SLC43A2: variants seen among roughly 807,000 people sequenced by gnomAD.
SLC43A2 encodes large neutral amino acids transporter small subunit 4.
In SLC43A2, 38 loss-of-function variants were observed where a neutral mutation model predicts 63.2. The ratio of observed to expected loss-of-function variants is 0.60; its 90% CI spans 0.46 to 0.79. SLC43A2 has a LOEUF of 0.79. Among genes scored for constraint, SLC43A2 ranks in the 30% least tolerant of loss-of-function variants. The probability of loss-of-function intolerance (pLI) is 0.00; values close to 1 mark genes in which losing one functional copy is unlikely to be tolerated. For missense variants in SLC43A2, 644 were observed against 756.2 expected (o/e 0.85, Z 1.74); for synonymous variants, 322 against 331.0 (o/e 0.97, Z 0.30).
In SLC43A2 at chr17:1,576,699, G is replaced by T; in HGVS notation, c.1446C>A (p.Gly482=). The change falls in exon 13 of 14, where the codon GGC becomes GGA. Residue 482 remains glycine (G), a synonymous_variant. Transcript: ENST00000301335. ...TCAGAGACTGCAGTCCCGTGAGGCTGCCGAACTGGGTGGAGGGGTACCTGC... is the reference window on the plus strand; with the variant it reads ...TCAGAGACTGCAGTCCCGTGAGGCTTCCGAACTGGGTGGAGGGGTACCTGC... ...YAAVYPSTQF[G]SLTGLQSLIS... is the part of the protein sequence containing the mutation. 6.2e-7 allele frequency: 1 copy of T among 1,610,476 alleles called. No individual in the cohort carries two copies.
At position 1,573,570 on chromosome 17, in the gene SLC43A2, T is replaced by TG; in HGVS notation, c.*2033_*2034insC. 1 of 152,174 alleles carries TG rather than the reference T, an allele frequency of 6.6e-6. No individual in the cohort carries two copies. The highest frequency in any genetic ancestry group is 1.5e-5 in the Non-Finnish European group (1 of 68,026). The allele number at this position is 152,174 out of a possible 1,614,324, so 9.4% of individuals were successfully genotyped here. On this transcript the variant is annotated 3_prime_UTR_variant, in exon 14 of 14. Transcript: ENST00000301335. ...CTTTCTTGAAAATCAGAATAACCAC[T>TG]AACATCACAAAACGAGTGTTCTCAG...
chr17:1,586,928 T>TCCCCCCCC, intron 9 of SLC43A2: 11 of 1,232,908 alleles, frequency 8.9e-6, no homozygotes, highest in Admixed American at 4.5e-5. Flanking sequence ...TCCCTGACAA[T>TCCCCCCCC]CCCCCCCACC....
rs1167305329 is a variant in SLC43A2, at chr17:1,570,487, GT to G, written c.*5116del. ...GGGCACTGAAAACGATGCTACCATT[GT>G]TTTTTTTTTTTTTTTTGAGACGGAG... is the stretch of plus-strand genomic sequence containing the variant. On this transcript the variant is annotated 3_prime_UTR_variant, in exon 14 of 14. Coordinates refer to ENST00000301335, the MANE Select transcript of SLC43A2 (RefSeq NM_152346.3). The G allele has an allele frequency of 0.089, 11,898 of 134,082 alleles. 438 individuals are homozygous for G. The highest frequency in any genetic ancestry group is 0.13 in the Non-Finnish European group (7,759 of 62,018). The allele number at this position is 134,082 out of a possible 1,614,324, so 8.3% of individuals were successfully genotyped here.
intron 5 of SLC43A2, among the ~76,000 whole-genome samples, chr17:1,603,787 A>AAAAACAAAAC (rs57134876): frequency 1.3e-4 from 19 of 151,506 alleles, no homozygotes; most frequent in East Asian, 5.8e-4. Flanking sequence ...CTCTGCCTCA[A>AAAAACAAAAC]AAAACAAAAC....
intron 13 of SLC43A2, 71 bp downstream of exon 13, chr17:1,576,526 G>T: frequency 6.6e-7 from 1 of 1,523,968 alleles, no homozygotes. Context: ...GCCCCCGAGG[G>T]GGACCTTGCA....
intron 11 of SLC43A2, among the ~76,000 whole-genome samples, chr17:1,581,594 G>C (rs1017990532): frequency 1.3e-5 from 2 of 152,168 alleles, no homozygotes; most frequent in African/African-American, 4.8e-5. Flanking sequence ...GACCCAAGAT[G>C]CCATCTGGAC....
chr17:1,617,733 G>A (rs1907812410), intron 2 of SLC43A2, among the ~76,000 whole-genome samples: 1 of 152,166 alleles, frequency 6.6e-6, no homozygotes, highest in South Asian at 2.1e-4. Context: ...TCACAGTGGT[G>A]CCATCCCGTG....
intron 10 of SLC43A2, among the ~76,000 whole-genome samples, chr17:1,584,138 C>T (rs1256424629): frequency 6.6e-6 from 1 of 152,066 alleles, no homozygotes; most frequent in East Asian, 1.9e-4. Context: ...TGTGATCCAC[C>T]CGCCTTGGCC....
Position 1,578,272 on chromosome 17 carries a change from C to T in SLC43A2, c.1402G>A (p.Val468Ile), listed in dbSNP as rs140096366. 4 of 1,613,922 alleles carry T rather than the reference C, an allele frequency of 2.5e-6. No homozygotes were observed. The East Asian group carries it at 6.7e-5, about 27-fold the overall frequency. Reference protein sequence around the residue: ...TIVRGFIHSAVGGLYAAVYPS... With the variant: ...TIVRGFIHSAIGGLYAAVYPS... ...TACACGGCAGCGTACAGGCCCCCGACAGCGGAGTGGATGAATCCTCGCACG... is the reference window on the plus strand; with the variant it reads ...TACACGGCAGCGTACAGGCCCCCGATAGCGGAGTGGATGAATCCTCGCACG... The change falls in exon 12 of 14, where the codon GTC (valine) becomes ATC (isoleucine). Residue 468 changes from valine (V) to isoleucine (I), a missense_variant. Coordinates refer to ENST00000301335, the MANE Select transcript of SLC43A2 (RefSeq NM_152346.3). This position sits in a 1 kb window ranked among gnomAD's most constrained non-coding sequence, Gnocchi z 6.5.
intron 13 of SLC43A2, among the ~76,000 whole-genome samples, chr17:1,576,165 T>A (rs1295840074): frequency 2.1e-5 from 3 of 142,570 alleles, no homozygotes; most frequent in African/African-American, 7.8e-5. Context: ...CTCACTGCAA[T>A]CTCCGCCTCC....
At position 1,572,497 on chromosome 17, in the gene SLC43A2, T is replaced by C. The variant is rs2075861206; in HGVS notation, c.*3107A>G. ...AGTATCTCTAGGCCTCGTTTTTCAGTTGTAAAGCAGGGATGATCATATGTG... is the reference window on the plus strand; with the variant it reads ...AGTATCTCTAGGCCTCGTTTTTCAGCTGTAAAGCAGGGATGATCATATGTG... On this transcript the variant is annotated 3_prime_UTR_variant, in exon 14 of 14. Transcript: ENST00000301335. The C allele has an allele frequency of 6.6e-6, 1 of 152,222 alleles. No homozygotes were observed. The highest frequency in any genetic ancestry group is 1.5e-5 in the Non-Finnish European group (1 of 68,056). The allele number at this position is 152,222 out of a possible 1,614,324, so 9.4% of individuals were successfully genotyped here.
At chr17:1,612,848 C>T (rs1245885053) in intron 5 of SLC43A2, among the ~76,000 whole-genome samples, 2 of 152,110 alleles carry the variant, frequency 1.3e-5, no homozygotes, top group African/African-American at 4.8e-5. Flanking sequence ...GGCGCACGCC[C>T]ATAGTCCCAG....
intron 10 of SLC43A2, chr17:1,585,159 T>C: frequency 7.1e-6 from 7 of 988,730 alleles, no homozygotes; most frequent in Non-Finnish European, 8.4e-6. Flanking sequence ...GAGGGTGGTC[T>C]TAGGAGCAAA....
chr17:1,575,812 G>A (rs761011084), intron 13 of SLC43A2, 47 bp from the exon 14 acceptor site: 17 of 1,551,896 alleles, frequency 1.1e-5, no homozygotes, highest in East Asian at 2.3e-5. Context: ...GTGGTGCGCC[G>A]AGGCTGCAGA....
At chr17:1,614,116 G>C (rs1029030221) in intron 4 of SLC43A2, among the ~76,000 whole-genome samples, 7 of 152,106 alleles carry the variant, frequency 4.6e-5, no homozygotes, top group Admixed American at 3.9e-4. Flanking sequence ...GGTGGCGGGT[G>C]CCCGTGGTCC....
intron 2 of SLC43A2, among the ~76,000 whole-genome samples, chr17:1,619,495 T>C (rs766006537): frequency 1.3e-5 from 2 of 152,074 alleles, no homozygotes; most frequent in African/African-American, 2.4e-5. Context: ...CCACTTTCTC[T>C]CGGTTTTCCA....
In SLC43A2 at chr17:1,605,589, T is replaced by A. The variant is rs1906531370; in HGVS notation, c.501+7606A>T. Among the ~76,000 whole-genome samples, 1 of 7,878 alleles carries A rather than the reference T, an allele frequency of 1.3e-4. No individual in the cohort carries two copies. Among genetic ancestry groups the A allele is most frequent in the Non-Finnish European group, 2.3e-4 (1 of 4,362 alleles). The allele number at this position is 7,878 out of a possible 152,430, so 5.2% of individuals were successfully genotyped here. ...GGGTGGTGGGTGGGGGCTGCGGAGC[T>A]GGGAGGTGGGTGGGGGCTGGGGAGC... On this transcript the variant is annotated intron_variant, in intron 5 of 13. Transcript: ENST00000301335. This position sits in a 1 kb window ranked among gnomAD's most constrained non-coding sequence, Gnocchi z 4.9.
In SLC43A2 at chr17:1,583,106, G is replaced by A; in HGVS notation, c.1350+98C>T. The A allele has an allele frequency of 2.2e-6, 3 of 1,338,120 alleles. No individual in the cohort carries two copies. Among genetic ancestry groups the A allele is most frequent in the Admixed American group, 2.0e-5 (1 of 51,150 alleles). The allele number at this position is 1,338,120 out of a possible 1,614,324, so 82.9% of individuals were successfully genotyped here. On this transcript the variant is annotated intron_variant, in intron 11 of 13. Transcript: ENST00000301335. This position sits in a 1 kb window ranked among gnomAD's most constrained non-coding sequence, Gnocchi z 5.5. ...AAAAATAAAGAAAGTCATCCGCTTT[G>A]TTGATGGCTTCCATGAAACATTACA... is the stretch of plus-strand genomic sequence containing the variant.
At chr17:1,616,449 G>A (rs1907670490) in intron 3 of SLC43A2, 113 bp downstream of exon 3, 3 of 1,062,124 alleles carry the variant, frequency 2.8e-6, no homozygotes. Flanking sequence ...AGGGCCTTCA[G>A]GGAGCTCCAC....
Sources: allele counts gnomAD v4.1 joint callset (sites outside exome capture counted in the v4.1 genomes callset), GRCh38; gene constraint gnomAD v4.1.1; non-coding constraint Gnocchi (gnomAD v3.1); transcripts MANE v1.5; gene names NCBI Gene and HGNC (gene_info 2026-07-23, HGNC 2026-07-21).